Variants in TAF4B observed in about 807,000 individuals in gnomAD.
The protein encoded by TAF4B is transcription initiation factor TFIID subunit 4B.
In TAF4B, 38 loss-of-function variants were observed where a neutral mutation model predicts 86.4. The observed-to-expected ratio is 0.44, with a 90% CI of 0.34 to 0.58. The LOEUF (loss-of-function observed/expected upper bound fraction) is 0.58. Ranked by LOEUF, TAF4B falls within the 20% of genes least tolerant of loss-of-function variation. The pLI, the probability that TAF4B is intolerant of heterozygous loss-of-function variation, is 0.02. For missense variants in TAF4B, 988 were observed against 1,027.6 expected, an observed-to-expected ratio of 0.96 and a Z score of 0.53; for synonymous variants, 388 against 391.2, an observed-to-expected ratio of 0.99 and a Z score of 0.10.
intron 10 of TAF4B, among the ~76,000 whole-genome samples, chr18:26,315,825 TTACTTTAAAA>T (rs2056905356): frequency 6.6e-6 from 1 of 152,226 alleles, no homozygotes. Context: ...AAACCCATTC[TTACTTTAAAA>T]AACTAGATTA....
chr18:26,315,460 A>C, intron 10 of TAF4B, 62 bp downstream of exon 10: 1 of 1,359,008 alleles, frequency 7.4e-7, no homozygotes, highest in Non-Finnish European at 9.8e-7. Flanking sequence ...AAATATTATC[A>C]AAAGAGACAA....
intron 13 of TAF4B, among the ~76,000 whole-genome samples, chr18:26,346,835 ATGTGTG>A (rs763951048): frequency 0.018 from 322 of 17,412 alleles, 30 homozygotes; most frequent in African/African-American, 0.035. Context: ...ATATATATAT[ATGTGTG>A]TGTGTATATA....
intron 14 of TAF4B, among the ~76,000 whole-genome samples, chr18:26,378,635 A>C (rs1355678225): frequency 3.3e-5 from 5 of 152,186 alleles, no homozygotes; most frequent in East Asian, 1.9e-4. Flanking sequence ...TATTGGTTTT[A>C]ATTGTAACCA....
intron 9 of TAF4B, among the ~76,000 whole-genome samples, chr18:26,304,160 G>A (rs115088932): frequency 0.011 from 1,502 of 131,772 alleles, 18 homozygotes; most frequent in African/African-American, 0.036. Flanking sequence ...TAGAATTATA[G>A]GTCGACTGTT....
In TAF4B at chr18:26,267,497, G is replaced by C; in HGVS notation, c.490-19G>C. On this transcript the variant is annotated intron_variant, in intron 2 of 14. Coordinates refer to ENST00000269142, the MANE Select transcript of TAF4B (RefSeq NM_005640.3). ...AACGCTAATGACTTTGTGTTATCTTGCTCCCCTCCACCGCCAAGAACTCTA... is the reference window on the plus strand; with the variant it reads ...AACGCTAATGACTTTGTGTTATCTTCCTCCCCTCCACCGCCAAGAACTCTA... 1.1e-5 allele frequency: 17 copies of C among 1,559,214 alleles called. No homozygotes were observed. Among genetic ancestry groups the C allele is most frequent in the Non-Finnish European group, 1.4e-5 (16 of 1,130,142 alleles).
intron 9 of TAF4B, among the ~76,000 whole-genome samples, chr18:26,313,021 T>C (rs1046861647): frequency 5.9e-5 from 9 of 152,188 alleles, no homozygotes; most frequent in African/African-American, 2.2e-4. Context: ...TATTTCTCTC[T>C]CCAGAAAATT....
chr18:26,329,416 G>C (rs75324478), intron 12 of TAF4B, among the ~76,000 whole-genome samples: 11,516 of 152,182 alleles, frequency 0.076, 542 homozygotes, highest in Non-Finnish European at 0.1. Context: ...CACCACTCCT[G>C]AACATTTTCA....
intron 1 of TAF4B, among the ~76,000 whole-genome samples, chr18:26,229,964 A>AAATAT (rs1555669580): frequency 3.1e-4 from 47 of 149,560 alleles, no homozygotes; most frequent in African/African-American, 1.1e-3. Flanking sequence ...TTAAAAAAAA[A>AAATAT]ATATATATAT....
rs71169847 is a variant in TAF4B at position 26,308,879 on chromosome 18, C to CAAAAA, written c.1833-6334_1833-6330dup. 3.5e-3 allele frequency among the ~76,000 whole-genome samples: 284 copies of CAAAAA among 80,236 alleles called. 8 individuals are homozygous for CAAAAA. The highest frequency in any genetic ancestry group is 0.013 in the African/African-American group (260 of 20,368). The allele number at this position is 80,236 out of a possible 152,430, so 52.6% of individuals were successfully genotyped here. The stretch of plus-strand genomic sequence containing the variant: ...TGGGCAACAGAGTGAGACTCTGTCT[C>CAAAAA]AAAAAAAAAAAAAAAAAAAAGAAAT... On this transcript the variant is annotated intron_variant, in intron 9 of 14. Transcript: ENST00000269142.
intron 9 of TAF4B, among the ~76,000 whole-genome samples, chr18:26,301,046 G>A (rs8091604): frequency 0.2 from 30,482 of 151,992 alleles, 4,683 homozygotes; most frequent in African/African-American, 0.43. Context: ...ATCATCCAAC[G>A]GTTGACTTAC....
chr18:26,385,382 G>A (rs1041182821), intron 14 of TAF4B, among the ~76,000 whole-genome samples: 2 of 152,136 alleles, frequency 1.3e-5, no homozygotes, highest in African/African-American at 2.4e-5. Context: ...TAGTTCAGTG[G>A]TATAACAAAA....
At chr18:26,355,268 A>T (rs1320513646) in intron 13 of TAF4B, among the ~76,000 whole-genome samples, 3 of 152,146 alleles carry the variant, frequency 2.0e-5, no homozygotes, top group African/African-American at 7.2e-5. Flanking sequence ...CAGTCTTAGG[A>T]GGATTTTTTT....
rs570065676 is a variant in TAF4B, at chr18:26,388,550, G to A, written c.2422-1295G>A. ...TACTATAGTACAACGTAAGGTAATT[G>A]CCACAGTGAGATTTCCTTGGATGAA... is the stretch of plus-strand genomic sequence containing the variant. On this transcript the variant is annotated intron_variant, in intron 14 of 14. Coordinates refer to ENST00000269142, the MANE Select transcript of TAF4B (RefSeq NM_005640.3). Among the ~76,000 whole-genome samples, 6 of 152,324 alleles carry A rather than the reference G, an allele frequency of 3.9e-5. No homozygotes were observed. In the South Asian group the frequency reaches 1.2e-3, roughly 32 times the overall value.
chr18:26,321,513 C>T (rs1453108662), intron 11 of TAF4B, among the ~76,000 whole-genome samples: 1 of 147,236 alleles, frequency 6.8e-6, no homozygotes, highest in Non-Finnish European at 1.5e-5. Context: ...CTTGTGTTCT[C>T]TTCAGTGTTC....
chr18:26,295,248 C>T (rs376941244), intron 9 of TAF4B: 36 of 386,056 alleles, frequency 9.3e-5, no homozygotes, highest in South Asian at 5.7e-4. Context: ...TTTTTTCTGT[C>T]GTGTTCTGTC....
intron 14 of TAF4B, among the ~76,000 whole-genome samples, chr18:26,364,885 A>T (rs1196511399): frequency 6.6e-6 from 1 of 152,020 alleles, no homozygotes; most frequent in African/African-American, 2.4e-5. Context: ...CATGGTGCTT[A>T]TAGTATCATT....
chr18:26,372,529 G>T (rs1428780384), intron 14 of TAF4B, among the ~76,000 whole-genome samples: 1 of 152,156 alleles, frequency 6.6e-6, no homozygotes, highest in Non-Finnish European at 1.5e-5. Flanking sequence ...GGCAAGGTTT[G>T]CATTACACTC....
chr18:26,372,752 C>T (rs1312293280), intron 14 of TAF4B, among the ~76,000 whole-genome samples: 1 of 151,892 alleles, frequency 6.6e-6, no homozygotes, highest in Non-Finnish European at 1.5e-5. Flanking sequence ...GGGTGGATCA[C>T]GAGGTCAGGA....
chr18:26,272,072 A>C (rs1483733859), intron 3 of TAF4B, among the ~76,000 whole-genome samples: 1 of 151,538 alleles, frequency 6.6e-6, no homozygotes, highest in African/African-American at 2.4e-5. Flanking sequence ...CCACACAGGA[A>C]CAGGAGAGGC....
Sources: gnomAD v4.1 joint callset for allele counts (sites outside exome capture counted in the v4.1 genomes callset) on GRCh38, gnomAD v4.1.1 for gene constraint, MANE v1.5 for transcripts, NCBI Gene and HGNC (gene_info 2026-07-23, HGNC 2026-07-21) for gene names.